The following SLC16A3 variants were observed in gnomAD, a reference collection of about 807,000 sequenced individuals.
SLC16A3 encodes the protein solute carrier family 16 member 3, also known as monocarboxylate transporter 4.
A neutral mutation model predicts 25.0 loss-of-function variants in SLC16A3; 22 were observed. The observed-to-expected ratio is 0.88, with a 90% CI of 0.63 to 1.26. SLC16A3 has a LOEUF of 1.26. Among genes scored for constraint, SLC16A3 ranks in the 50% most tolerant of loss-of-function variants. The pLI, the probability that SLC16A3 is intolerant of heterozygous loss-of-function variation, is 0.00. For synonymous variants in SLC16A3, 390 were observed against 309.2 expected (o/e 1.26, Z -2.74); for missense variants, 731 against 666.6 (o/e 1.10, Z -1.06).
In SLC16A3 at chr17:82,237,899, C is replaced by T. The variant is rs759776281; in HGVS notation, c.1123+6C>T. 1.0e-4 allele frequency: 161 copies of T among 1,595,888 alleles called. No individual in the cohort carries two copies. The highest frequency in any genetic ancestry group is 9.8e-4 in the South Asian group (89 of 90,926). On this transcript the variant is annotated splice_donor_region_variant and intron_variant, in intron 4 of 4. Transcript: ENST00000582743. ...CGTCGGGCCCCCTTCGGGAGGTGAG[C>T]GCTGCGCCCCCAGGCAGTTCCCCAC...
upstream of SLC16A3, among the ~76,000 whole-genome samples, chr17:82,226,198 C>T (rs945875229): frequency 6.6e-6 from 1 of 151,958 alleles, no homozygotes. Flanking sequence ...GTGGAGGCAC[C>T]TGGGTCTGGG....
Position 82,237,169 on chromosome 17 carries a change from G to A in SLC16A3, c.399G>A (p.Ser133=), listed in dbSNP as rs769329276. The A allele has an allele frequency of 2.7e-5, 41 of 1,511,776 alleles. No individual in the cohort carries two copies. The East Asian group carries it at 5.7e-4, about 21-fold the overall frequency. The allele number at this position is 1,511,776 out of a possible 1,614,324, so 93.6% of individuals were successfully genotyped here. A position where few individuals can be genotyped will look rare whatever the true frequency, so the allele number is the denominator to read the frequency against. The change falls in exon 4 of 5, where the codon TCG becomes TCA. Residue 133 remains serine, a synonymous_variant. Coordinates refer to ENST00000582743, the MANE Select transcript of SLC16A3 (RefSeq NM_004207.4). ...GLGLALNFQP[S]LIMLNRYFSK... is the part of the protein sequence containing the mutation. Reference sequence around the variant, plus strand: ...GTTTGGCACTCAACTTCCAGCCCTCGCTCATCATGCTGAACCGCTACTTCA... The same window carrying A: ...GTTTGGCACTCAACTTCCAGCCCTCACTCATCATGCTGAACCGCTACTTCA...
At chr17:82,235,061 C>T (rs570498492) in intron 1 of SLC16A3, 12 of 152,368 alleles carry the variant, frequency 7.9e-5, no homozygotes, top group Admixed American at 4.6e-4. Context: ...AGTCTGACCT[C>T]GGGTTCCAAC....
chr17:82,234,253 G>A (rs1372770078), intron 1 of SLC16A3: 1 of 152,118 alleles, frequency 6.6e-6, no homozygotes. Context: ...AGTGACCCCA[G>A]GCAGTGTGTC....
At position 82,239,886 on chromosome 17, in the gene SLC16A3, G is replaced by T; in HGVS notation, c.*910G>T. The T allele has an allele frequency of 1.3e-6, 1 of 749,446 alleles. No homozygotes were observed. Among genetic ancestry groups the T allele is most frequent in the South Asian group, 6.8e-5 (1 of 14,692 alleles). 46.4% of individuals were successfully genotyped at this position (749,446 alleles called of 1,614,324 possible). A position where few individuals can be genotyped will look rare whatever the true frequency, so the allele number is the denominator to read the frequency against. On this transcript the variant is annotated 3_prime_UTR_variant, in exon 5 of 5. Transcript: ENST00000582743. ...CTCCATCCAGCCCGGCCCAGCGCTT[G>T]GGCTTGTCCTGGACACCTAACACCC...
At position 82,237,624 on chromosome 17, in the gene SLC16A3, C is replaced by T. The variant is rs766219769; in HGVS notation, c.854C>T (p.Ala285Val). The T allele has an allele frequency of 1.1e-5, 17 of 1,612,778 alleles. No homozygotes were observed. The highest frequency in any genetic ancestry group is 4.0e-5 in the African/African-American group (3 of 74,926). ...GCGCGGCCGGCCGCGGGCTTCGTGG[C>T]GGGGCTTGGGAAGGTGCGGCCCTAC... is the stretch of plus-strand genomic sequence containing the variant. ...IFARPAAGFV[A>V]GLGKVRPYSV... The change falls in exon 4 of 5, where the codon GCG becomes GTG. Residue 285 changes from alanine (A) to valine (V), a missense_variant. Ala to Val is a moderately conservative substitution (Grantham distance 64). Transcript: ENST00000582743.
At chr17:82,224,733 C>T (rs1412270388), upstream of SLC16A3, among the ~76,000 whole-genome samples, 2 of 151,428 alleles carry the variant, frequency 1.3e-5, no homozygotes, top group African/African-American at 2.5e-5. Context: ...TACACCCGTG[C>T]AGACACATCC....
In SLC16A3 at chr17:82,236,203, C is replaced by T. The variant is rs1356637349; in HGVS notation, c.195C>T (p.Ser65=). ...IGYSDTAWIS[S]ILLAMLYGTG... Reference sequence around the variant, plus strand: ...ACAGCGACACAGCCTGGATCTCCTCCATCCTGCTGGCCATGCTCTACGGGA... The same window carrying T: ...ACAGCGACACAGCCTGGATCTCCTCTATCCTGCTGGCCATGCTCTACGGGA... Residue 65 remains serine (S), a synonymous_variant, in exon 2 of 5, where the codon TCC becomes TCT. Coordinates refer to ENST00000582743, the MANE Select transcript of SLC16A3 (RefSeq NM_004207.4). 1 of 1,613,034 alleles carries T rather than the reference C, an allele frequency of 6.2e-7. No homozygotes were observed. The highest frequency in any genetic ancestry group is 8.5e-7 in the Non-Finnish European group (1 of 1,179,964).
chr17:82,237,944 C>T (rs368373062), intron 4 of SLC16A3, 51 bp downstream of exon 4: 178 of 1,568,760 alleles, frequency 1.1e-4, no homozygotes, highest in East Asian at 6.3e-4. Flanking sequence ...TCCCGTCAGA[C>T]GCCCGCTTTG....
upstream of SLC16A3, among the ~76,000 whole-genome samples, chr17:82,223,917 G>C (rs2050403834): frequency 6.6e-6 from 1 of 151,916 alleles, no homozygotes; most frequent in Non-Finnish European, 1.5e-5. Flanking sequence ...GACCTGGCCA[G>C]CACACGACAG....
upstream of SLC16A3, among the ~76,000 whole-genome samples, chr17:82,223,894 A>G (rs2050403722): frequency 6.6e-6 from 1 of 151,966 alleles, no homozygotes; most frequent in Admixed American, 6.6e-5. Context: ...GAGGTCACTG[A>G]GGACATCAAG....
chr17:82,230,724 G>A (rs1357884715), intron 1 of SLC16A3: 2 of 152,384 alleles, frequency 1.3e-5, no homozygotes, highest in Non-Finnish European at 1.5e-5. Context: ...GGGCCTTCCG[G>A]GCAGTGGCGC....
intron 1 of SLC16A3, among the ~76,000 whole-genome samples, chr17:82,232,927 G>T (rs1300255938): frequency 6.6e-6 from 1 of 151,162 alleles, no homozygotes; most frequent in African/African-American, 2.4e-5. Flanking sequence ...GCGGGGGGGG[G>T]GTTGGTAAAT....
At chr17:82,221,522 A>T (rs937097293) in intron 1 of SLC16A3, among the ~76,000 whole-genome samples, 2 of 151,930 alleles carry the variant, frequency 1.3e-5, no homozygotes, top group African/African-American at 4.8e-5. Context: ...TGAGCTGAGA[A>T]CGCACCACTG....
chr17:82,237,050 TGAGCCTGTGG>T, intron 3 of SLC16A3, 78 bp from the exon 4 acceptor site: 1 of 1,454,714 alleles, frequency 6.9e-7, no homozygotes, highest in Non-Finnish European at 9.1e-7. Context: ...CCTGGGAGCC[TGAGCCTGTGG>T]GAACCTGGGG....
In SLC16A3 at chr17:82,236,227, G is replaced by C; in HGVS notation, c.219G>C (p.Gly73=). 6.2e-7 allele frequency: 1 copy of C among 1,612,698 alleles called. No homozygotes were observed. Among genetic ancestry groups the C allele is most frequent in the Non-Finnish European group, 8.5e-7 (1 of 1,179,848 alleles). Residue 73 remains glycine, a synonymous_variant, in exon 2 of 5, where the codon GGG becomes GGC. Coordinates refer to ENST00000582743, the MANE Select transcript of SLC16A3 (RefSeq NM_004207.4). ...ISSILLAMLY[G]TGPLCSVCVN... ...CCATCCTGCTGGCCATGCTCTACGGGACAGGTGAGGGTGGCCTCACACCGG... is the reference window on the plus strand; with the variant it reads ...CCATCCTGCTGGCCATGCTCTACGGCACAGGTGAGGGTGGCCTCACACCGG...
chr17:82,239,909 C>T lies in SLC16A3; in HGVS notation c.*933C>T, dbSNP rs2050717458. On this transcript the variant is annotated 3_prime_UTR_variant, in exon 5 of 5. Coordinates refer to ENST00000582743, the MANE Select transcript of SLC16A3 (RefSeq NM_004207.4). ...TTGGGCTTGTCCTGGACACCTAACA[C>T]CCACCTGCCCTCGTGGCCAGCAGTG... 5 of 991,146 alleles carry T rather than the reference C, an allele frequency of 5.0e-6. No individual in the cohort carries two copies. The highest frequency in any genetic ancestry group is 5.1e-5 in the South Asian group (1 of 19,562). The allele number at this position is 991,146 out of a possible 1,614,324, so 61.4% of individuals were successfully genotyped here. A position where few individuals can be genotyped will look rare whatever the true frequency, so the allele number is the denominator to read the frequency against.
At chr17:82,237,031 G>A (rs2050620195) in intron 3 of SLC16A3, 107 bp from the exon 4 acceptor site, 3 of 1,448,986 alleles carry the variant, frequency 2.1e-6, no homozygotes, top group Admixed American at 2.5e-5. Context: ...GGTGGCAGGG[G>A]CTCTGCACCC....
intron 1 of SLC16A3, among the ~76,000 whole-genome samples, chr17:82,232,780 C>G (rs564772810): frequency 2.0e-5 from 3 of 152,186 alleles, no homozygotes; most frequent in African/African-American, 7.2e-5. Context: ...CCAGGCCTCC[C>G]GCTCAGCTTC....
Sources: gnomAD v4.1 joint callset for allele counts (sites outside exome capture counted in the v4.1 genomes callset) on GRCh38, gnomAD v4.1.1 for gene constraint, MANE v1.5 for transcripts, NCBI Gene and HGNC (gene_info 2026-07-23, HGNC 2026-07-21) for gene names.